Variants in ZMYM4 observed in about 807,000 individuals in gnomAD.
The protein encoded by ZMYM4 is zinc finger MYM-type protein 4.
ZMYM4 carries 31 observed loss-of-function variants against 183.2 expected under a neutral mutation model. The ratio of observed to expected loss-of-function variants is 0.17; its 90% CI spans 0.13 to 0.23. The LOEUF (loss-of-function observed/expected upper bound fraction) is 0.23. Ranked by LOEUF, ZMYM4 falls within the 10% of genes least tolerant of loss-of-function variation. The probability of loss-of-function intolerance (pLI) is 1.00; values close to 1 mark genes in which losing one functional copy is unlikely to be tolerated. For synonymous variants in ZMYM4, 592 were observed against 631.2 expected (o/e 0.94, Z 0.93); for missense variants, 1,273 against 1,840.3 (o/e 0.69, Z 5.64).
chr1:35,371,584 A>G (rs1424975786), intron 7 of ZMYM4, among the ~76,000 whole-genome samples: 1 of 152,222 alleles, frequency 6.6e-6, no homozygotes, highest in African/African-American at 2.4e-5. Context: ...AGTTTAAGTC[A>G]GAAAAAGAGG....
chr1:35,327,127 C>G (rs954832055), intron 2 of ZMYM4, among the ~76,000 whole-genome samples: 2 of 152,206 alleles, frequency 1.3e-5, no homozygotes, highest in Non-Finnish European at 2.9e-5. Context: ...TCCCAAAGTC[C>G]TGGGATTACA....
rs1430759010 is a variant in ZMYM4 at position 35,358,878 on chromosome 1, T to A, written c.86-47T>A. The A allele has an allele frequency of 2.0e-6, 3 of 1,494,868 alleles. No individual in the cohort carries two copies. In the East Asian group the frequency reaches 6.8e-5, roughly 34 times the overall value. 92.6% of individuals were successfully genotyped at this position (1,494,868 alleles called of 1,614,324 possible). The stretch of plus-strand genomic sequence containing the variant: ...TACCAGACTGACCTTATCATTGTGG[T>A]CATCTTTAGCACTATCATTTGTCTA... On this transcript the variant is annotated intron_variant, in intron 2 of 29. Transcript: ENST00000314607.
rs191314537 is a variant in ZMYM4 at position 35,417,502 on chromosome 1, A to T, written c.4310-941A>T. 1.1e-4 allele frequency among the ~76,000 whole-genome samples: 16 copies of T among 152,358 alleles called. No individual in the cohort carries two copies. In the East Asian group the frequency reaches 3.1e-3, roughly 29 times the overall value. On this transcript the variant is annotated intron_variant, in intron 28 of 29. Transcript: ENST00000314607. ...TATTCGAACAAATAAACTTGAGCAG[A>T]TGCCCAGTACTAGTGCCCCACAGTA...
chr1:35,378,936 T>C (rs1056944443), intron 7 of ZMYM4, among the ~76,000 whole-genome samples: 2 of 152,224 alleles, frequency 1.3e-5, no homozygotes, highest in Non-Finnish European at 2.9e-5. Context: ...CTCTGCTAGC[T>C]CTAAACTTCT....
intron 19 of ZMYM4, 106 bp from the exon 20 acceptor site, chr1:35,397,271 C>G: frequency 1.6e-6 from 2 of 1,262,610 alleles, no homozygotes; most frequent in Non-Finnish European, 2.1e-6. Context: ...AATGAATATA[C>G]CTTAAATTTG....
At chr1:35,316,012 A>G (rs1642029974) in intron 1 of ZMYM4, among the ~76,000 whole-genome samples, 1 of 152,226 alleles carries the variant, frequency 6.6e-6, no homozygotes, top group Admixed American at 6.5e-5. Context: ...CCTACTTTTT[A>G]TAGTTTTCTT....
rs1268651194 is a variant in ZMYM4, at chr1:35,395,348, C to A, written c.2912-1204C>A. 1.3e-5 allele frequency among the ~76,000 whole-genome samples: 2 copies of A among 151,098 alleles called. 1 individual carries two copies. On this transcript the variant is annotated intron_variant, in intron 18 of 29. Coordinates refer to ENST00000314607, the MANE Select transcript of ZMYM4 (RefSeq NM_005095.3). ...TGGTGCCTCATGCCTATACTCCCAGCACTTTGGACAGCTGAGGCGGGAGGA... is the reference window on the plus strand; with the variant it reads ...TGGTGCCTCATGCCTATACTCCCAGAACTTTGGACAGCTGAGGCGGGAGGA...
chr1:35,370,289 A>G, intron 6 of ZMYM4, 83 bp from the exon 7 acceptor site: 1 of 1,448,482 alleles, frequency 6.9e-7, no homozygotes, highest in Middle Eastern at 1.8e-4. Context: ...AGAAAGAAAG[A>G]ATGTCTACTT....
intron 1 of ZMYM4, among the ~76,000 whole-genome samples, chr1:35,322,174 T>C (rs1028934396): frequency 1.3e-5 from 2 of 152,176 alleles, no homozygotes; most frequent in Non-Finnish European, 2.9e-5. Flanking sequence ...TTGGGTAAGA[T>C]TGAATGTTTA....
rs1640202484 is a variant in ZMYM4, at chr1:35,418,314, A to G, written c.4310-129A>G. 14 of 942,210 alleles carry G rather than the reference A, an allele frequency of 1.5e-5. 2 individuals are homozygous for G. Among genetic ancestry groups the G allele is most frequent in the South Asian group, 8.9e-5 (5 of 56,388 alleles). 58.4% of individuals were successfully genotyped at this position (942,210 alleles called of 1,614,324 possible). ...TTCATAGGCACTCAGTATTTGTTGA[A>G]TGAGTGTGAGTGAGTGAAAGGGAGG... On this transcript the variant is annotated intron_variant, in intron 28 of 29. Coordinates refer to ENST00000314607, the MANE Select transcript of ZMYM4 (RefSeq NM_005095.3).
At chr1:35,306,081 GTCT>G (rs1266797792) in intron 1 of ZMYM4, among the ~76,000 whole-genome samples, 3 of 151,986 alleles carry the variant, frequency 2.0e-5, no homozygotes, top group African/African-American at 7.3e-5. Flanking sequence ...TAAGTCTTCT[GTCT>G]TCTTATTTGT....
chr1:35,303,607 T>C (rs375874307), intron 1 of ZMYM4, among the ~76,000 whole-genome samples: 2 of 152,174 alleles, frequency 1.3e-5, no homozygotes, highest in Non-Finnish European at 2.9e-5. Context: ...GGCTTTGCCA[T>C]GTTGGCCAGG....
chr1:35,354,097 C>T (rs982016908), intron 2 of ZMYM4, among the ~76,000 whole-genome samples: 3 of 151,862 alleles, frequency 2.0e-5, no homozygotes, highest in Non-Finnish European at 2.9e-5. Context: ...TGCAATGAGC[C>T]GTGGTCATGC....
intron 2 of ZMYM4, among the ~76,000 whole-genome samples, chr1:35,344,226 A>G (rs933162418): frequency 2.0e-5 from 3 of 151,478 alleles, no homozygotes; most frequent in Non-Finnish European, 2.9e-5. Flanking sequence ...ACTGATTTTT[A>G]TATTTTTAGT....
intron 1 of ZMYM4, among the ~76,000 whole-genome samples, chr1:35,276,516 C>CT (rs77690621): frequency 0.11 from 17,309 of 152,130 alleles, 2,489 homozygotes; most frequent in East Asian, 0.68. Flanking sequence ...TCTTTTTACA[C>CT]TGATTTGTTT....
chr1:35,347,853 C>T (rs1643456604), intron 2 of ZMYM4, among the ~76,000 whole-genome samples: 1 of 152,032 alleles, frequency 6.6e-6, no homozygotes, highest in Non-Finnish European at 1.5e-5. Context: ...TTATGTTATT[C>T]TGCTTACAAA....
intron 7 of ZMYM4, among the ~76,000 whole-genome samples, chr1:35,376,091 AT>A (rs1479341906): frequency 2.6e-5 from 4 of 151,830 alleles, no homozygotes; most frequent in African/African-American, 9.7e-5. Flanking sequence ...AAAAAAAAAA[AT>A]CTCATATTTT....
Position 35,369,490 on chromosome 1 carries a change from A to G in ZMYM4, c.841-539A>G, listed in dbSNP as rs183398899. On this transcript the variant is annotated intron_variant, in intron 5 of 29. Coordinates refer to ENST00000314607, the MANE Select transcript of ZMYM4 (RefSeq NM_005095.3). ...AGTAATTTTGGAGTAATATATACTAATATACAAACGTTCAAATGATTCAAA... is the reference window on the plus strand; with the variant it reads ...AGTAATTTTGGAGTAATATATACTAGTATACAAACGTTCAAATGATTCAAA... Among the ~76,000 whole-genome samples, 483 of 152,232 alleles carry G rather than the reference A, an allele frequency of 3.2e-3. 9 individuals are homozygous for G. Among genetic ancestry groups the G allele is most frequent in the Non-Finnish European group, 6.9e-4 (47 of 67,982 alleles).
At chr1:35,277,395 C>T (rs1639928979) in intron 1 of ZMYM4, among the ~76,000 whole-genome samples, 1 of 152,118 alleles carries the variant, frequency 6.6e-6, no homozygotes, top group Non-Finnish European at 1.5e-5. Flanking sequence ...AATGATTACA[C>T]AGAAGGAATA....
Sources: allele counts gnomAD v4.1 joint callset (sites outside exome capture counted in the v4.1 genomes callset), GRCh38; gene constraint gnomAD v4.1.1; transcripts MANE v1.5; gene names NCBI Gene and HGNC (gene_info 2026-07-23, HGNC 2026-07-21).